Variants in GALNT7 observed in about 807,000 individuals in gnomAD.
GALNT7 encodes polypeptide N-acetylgalactosaminyltransferase 7.
In GALNT7, 60 loss-of-function variants were observed where a neutral mutation model predicts 82.1. The ratio of observed to expected loss-of-function variants is 0.73; its 90% CI spans 0.59 to 0.91. The LOEUF is 0.91. GALNT7 is among the 40% of genes least tolerant of loss of function. The pLI, the probability that GALNT7 is intolerant of heterozygous loss-of-function variation, is 0.00. For synonymous variants in GALNT7, 243 were observed against 275.1 expected, an observed-to-expected ratio of 0.88 and a Z score of 1.15; for missense variants, 660 against 804.2, an observed-to-expected ratio of 0.82 and a Z score of 2.17.
rs535171429 is a variant in GALNT7, at chr4:173,295,413, C to T, written c.772C>T (p.Leu258=). ...FSNKEHLKEK[L]DEYIKLWNGL... The stretch of plus-strand genomic sequence containing the variant: ...CTTAACAGAACACTTAAAAGAAAAA[C>T]TGGATGAATATATTAAGCTGTGGAA... Residue 258 remains leucine (L), a synonymous_variant, in exon 4 of 12, where the codon CTG becomes TTG. Coordinates refer to ENST00000265000, the MANE Select transcript of GALNT7 (RefSeq NM_017423.3). 1 of 1,589,676 alleles carries T rather than the reference C, an allele frequency of 6.3e-7. No individual in the cohort carries two copies. Among genetic ancestry groups the T allele is most frequent in the African/African-American group, 1.3e-5 (1 of 74,440 alleles).
At position 173,168,811 on chromosome 4, in the gene GALNT7, G is replaced by T. The variant is rs374774762; in HGVS notation, c.-25G>T. The stretch of plus-strand genomic sequence containing the variant: ...GCGGTGGCGGCGGCTGCGCCGGGCT[G>T]TGAGTCTCTCGCCGCCGGAGGAAGA... On this transcript the variant is annotated 5_prime_UTR_variant, in exon 1 of 12. Transcript: ENST00000265000. 8 of 1,606,972 alleles carry T rather than the reference G, an allele frequency of 5.0e-6. No individual in the cohort carries two copies. In the African/African-American group the frequency reaches 9.4e-5, roughly 19 times the overall value.
intron 1 of GALNT7, among the ~76,000 whole-genome samples, chr4:173,241,627 T>C (rs987404133): frequency 1.3e-5 from 2 of 152,216 alleles, no homozygotes; most frequent in African/African-American, 4.8e-5. Flanking sequence ...AGACAACTTT[T>C]TAAGAAGATA....
intron 1 of GALNT7, among the ~76,000 whole-genome samples, chr4:173,233,279 A>C (rs1734099151): frequency 6.6e-6 from 1 of 152,126 alleles, no homozygotes; most frequent in African/African-American, 2.4e-5. Flanking sequence ...GTTGTATGGT[A>C]GTTCTATTTT....
At chr4:173,318,895 T>C (rs754309319) in intron 11 of GALNT7, among the ~76,000 whole-genome samples, 8 of 152,210 alleles carry the variant, frequency 5.3e-5, no homozygotes, top group Non-Finnish European at 1.2e-4. Context: ...GAAATGTAAA[T>C]GAATCATTCA....
At chr4:173,181,524 T>C (rs1327728195) in intron 1 of GALNT7, among the ~76,000 whole-genome samples, 1 of 152,232 alleles carries the variant, frequency 6.6e-6, no homozygotes, top group Non-Finnish European at 1.5e-5. Flanking sequence ...AGAAATACAT[T>C]TTCTGTATGA....
intron 1 of GALNT7, among the ~76,000 whole-genome samples, chr4:173,244,253 C>T (rs1734536525): frequency 6.6e-6 from 1 of 152,180 alleles, no homozygotes; most frequent in Non-Finnish European, 1.5e-5. Flanking sequence ...AAAAAGTTTG[C>T]TGACCCCTCT....
Position 173,322,780 on chromosome 4 carries a change from ACCTGTGAAG to A in GALNT7, c.*1066_*1074del, listed in dbSNP as rs1170059157. 6.6e-6 allele frequency: 1 copy of A among 152,176 alleles called. No homozygotes were observed. 9.4% of individuals were successfully genotyped at this position (152,176 alleles called of 1,614,324 possible). On this transcript the variant is annotated 3_prime_UTR_variant, in exon 12 of 12. Coordinates refer to ENST00000265000, the MANE Select transcript of GALNT7 (RefSeq NM_017423.3). ...TGTGCATTATAACCTAAGCTGTGCA[ACCTGTGAAG>A]CCAAGAGTGAACTGATGTTTCATTT...
chr4:173,243,774 G>A (rs183666520), intron 1 of GALNT7, among the ~76,000 whole-genome samples: 55 of 152,246 alleles, frequency 3.6e-4, no homozygotes, highest in Non-Finnish European at 5.0e-4. Flanking sequence ...GTACAGTGCC[G>A]TGTAGGGAAT....
At chr4:173,275,963 A>C (rs927172942) in intron 2 of GALNT7, among the ~76,000 whole-genome samples, 1 of 152,204 alleles carries the variant, frequency 6.6e-6, no homozygotes, top group Non-Finnish European at 1.5e-5. Context: ...CTATGGCACC[A>C]TACAGTACAC....
chr4:173,234,503 G>T (rs9683937), intron 1 of GALNT7, among the ~76,000 whole-genome samples: 62,393 of 151,998 alleles, frequency 0.41, 14,294 homozygotes, highest in East Asian at 0.66. Context: ...GTATCCAGTT[G>T]TATAAGTTAC....
chr4:173,184,616 CAGGGAG>C (rs761213529), intron 1 of GALNT7, among the ~76,000 whole-genome samples: 19 of 99,824 alleles, frequency 1.9e-4, no homozygotes, highest in African/African-American at 4.1e-4. Context: ...AGAGGGAGAC[CAGGGAG>C]AGGGAGAGGG....
At chr4:173,249,340 C>T (rs1180570842) in intron 2 of GALNT7, among the ~76,000 whole-genome samples, 1 of 152,208 alleles carries the variant, frequency 6.6e-6, no homozygotes, top group Non-Finnish European at 1.5e-5. Flanking sequence ...CACACTCACA[C>T]CTATTCACCA....
At chr4:173,294,956 T>A (rs1736667046) in intron 3 of GALNT7, among the ~76,000 whole-genome samples, 1 of 152,262 alleles carries the variant, frequency 6.6e-6, no homozygotes, top group Non-Finnish European at 1.5e-5. Context: ...CAGAAAAAAA[T>A]GTTAAATAAC....
At position 173,196,724 on chromosome 4, in the gene GALNT7, G is replaced by A. The variant is rs987346543; in HGVS notation, c.126+27763G>A. 3.3e-5 allele frequency among the ~76,000 whole-genome samples: 5 copies of A among 152,068 alleles called. No homozygotes were observed. In the East Asian group the frequency reaches 9.6e-4, roughly 29 times the overall value. On this transcript the variant is annotated intron_variant, in intron 1 of 11. Transcript: ENST00000265000. ...TCCCCACAGACAGGCCCCAGTGTGCGTTGTTACCCACCATGCGTCCATGTG... is the reference window on the plus strand; with the variant it reads ...TCCCCACAGACAGGCCCCAGTGTGCATTGTTACCCACCATGCGTCCATGTG...
In GALNT7 at chr4:173,322,639, C is replaced by T. The variant is rs1737865227; in HGVS notation, c.*922C>T. 1 of 152,152 alleles carries T rather than the reference C, an allele frequency of 6.6e-6. No individual in the cohort carries two copies. The highest frequency in any genetic ancestry group is 1.5e-5 in the Non-Finnish European group (1 of 68,006). 9.4% of individuals were successfully genotyped at this position (152,152 alleles called of 1,614,324 possible). On this transcript the variant is annotated 3_prime_UTR_variant, in exon 12 of 12. Transcript: ENST00000265000. ...AACTATTATCAGTTGTTATTGTTAT[C>T]CCTTGAAAGCGAGGGTGACAAAAAC...
At chr4:173,206,804 C>T (rs1733113985) in intron 1 of GALNT7, among the ~76,000 whole-genome samples, 1 of 152,156 alleles carries the variant, frequency 6.6e-6, no homozygotes, top group Non-Finnish European at 1.5e-5. Context: ...TAGTGCCCAG[C>T]TGAAAGTATT....
intron 1 of GALNT7, among the ~76,000 whole-genome samples, chr4:173,210,048 C>A (rs1386759422): frequency 1.3e-5 from 2 of 151,888 alleles, no homozygotes; most frequent in Non-Finnish European, 2.9e-5. Flanking sequence ...CAGGAGAAAT[C>A]GCTTGAACCC....
At chr4:173,284,105 G>C (rs1393812565) in intron 2 of GALNT7, among the ~76,000 whole-genome samples, 3 of 152,208 alleles carry the variant, frequency 2.0e-5, no homozygotes, top group African/African-American at 7.2e-5. Context: ...TTTTCTATTA[G>C]GTTAGTCCAT....
chr4:173,261,422 A>G (rs1378495202), intron 2 of GALNT7, among the ~76,000 whole-genome samples: 1 of 152,122 alleles, frequency 6.6e-6, no homozygotes, highest in Non-Finnish European at 1.5e-5. Flanking sequence ...TTAAAACAAA[A>G]CAAGGTTGAA....
Sources: gnomAD v4.1 joint callset for allele counts (sites outside exome capture counted in the v4.1 genomes callset) on GRCh38, gnomAD v4.1.1 for gene constraint, MANE v1.5 for transcripts, NCBI Gene and HGNC (gene_info 2026-07-23, HGNC 2026-07-21) for gene names.